Variants in GAB1 observed in about 807,000 individuals in gnomAD.
GAB1 encodes GRB2-associated-binding protein 1.
A neutral mutation model predicts 66.5 loss-of-function variants in GAB1; 19 were observed. The ratio of observed to expected loss-of-function variants is 0.29; its 90% CI spans 0.20 to 0.42. The LOEUF is 0.42. Among genes scored for constraint, GAB1 ranks in the 10% least tolerant of loss-of-function variants. The pLI is 1.00. For missense variants in GAB1, 732 were observed against 858.5 expected (o/e 0.85, Z 1.84); for synonymous variants, 294 against 301.4 (o/e 0.98, Z 0.25).
intron 2 of GAB1, among the ~76,000 whole-genome samples, chr4:143,421,922 CAAAT>C (rs1733051324): frequency 2.0e-5 from 3 of 152,080 alleles, no homozygotes; most frequent in African/African-American, 4.8e-5. Context: ...GGAGTCATGA[CAAAT>C]AAAAAGTTTT....
intron 1 of GAB1, among the ~76,000 whole-genome samples, chr4:143,385,075 C>G (rs1455372160): frequency 6.6e-6 from 1 of 152,116 alleles, no homozygotes; most frequent in Non-Finnish European, 1.5e-5. Context: ...ATCTGAGAGT[C>G]CTGTGTCCTG....
intron 1 of GAB1, among the ~76,000 whole-genome samples, chr4:143,402,585 G>C (rs28925880): frequency 6.6e-6 from 1 of 152,152 alleles, no homozygotes; most frequent in East Asian, 1.9e-4. Flanking sequence ...TCAGAATTTC[G>C]TGAAGGTCAG....
intron 2 of GAB1, chr4:143,424,971 A>AG: frequency 9.6e-6 from 6 of 623,276 alleles, no homozygotes; most frequent in South Asian, 8.9e-5. Context: ...AGAAAAAAAA[A>AG]GGCCTTTCTG....
intron 1 of GAB1, among the ~76,000 whole-genome samples, chr4:143,372,225 A>T (rs1176468675): frequency 6.6e-6 from 1 of 152,050 alleles, no homozygotes; most frequent in Non-Finnish European, 1.5e-5. Context: ...TCTTGCATTG[A>T]AATGTTCCTT....
intron 3 of GAB1, chr4:143,433,945 G>A: frequency 1.6e-6 from 1 of 625,756 alleles, no homozygotes; most frequent in South Asian, 2.0e-5. Flanking sequence ...TTGGCAAAGA[G>A]CAGTTTTCCC....
chr4:143,367,246 T>C (rs1729920059), intron 1 of GAB1, among the ~76,000 whole-genome samples: 1 of 146,678 alleles, frequency 6.8e-6, no homozygotes, highest in African/African-American at 2.5e-5. Flanking sequence ...AAAACCTATC[T>C]TCCCATCCTT....
intron 1 of GAB1, among the ~76,000 whole-genome samples, chr4:143,373,822 CCTCTCT>C (rs3049718): frequency 0.027 from 2,613 of 97,448 alleles, 80 homozygotes; most frequent in African/African-American, 0.067. Context: ...GGAGTGAAAC[CCTCTCT>C]CTCTCTCTCT....
intron 2 of GAB1, among the ~76,000 whole-genome samples, chr4:143,424,426 T>C (rs145022400): frequency 5.3e-4 from 80 of 152,330 alleles, no homozygotes; most frequent in African/African-American, 1.6e-3. Context: ...CATACTTCTC[T>C]TAAATCCTCA....
chr4:143,403,517 A>G (rs796806634), intron 1 of GAB1, among the ~76,000 whole-genome samples: 27 of 152,330 alleles, frequency 1.8e-4, no homozygotes, highest in Middle Eastern at 3.4e-3. Flanking sequence ...TAAATAGGCA[A>G]TCGTCTTTCT....
At chr4:143,462,854 G>T (rs879684799) in intron 8 of GAB1, among the ~76,000 whole-genome samples, 1 of 152,078 alleles carries the variant, frequency 6.6e-6, no homozygotes, top group Non-Finnish European at 1.5e-5. Flanking sequence ...TAGAGACAGG[G>T]TTTCATCATG....
In GAB1 at chr4:143,346,807, G is replaced by A. The variant is rs140520948; in HGVS notation, c.72+9547G>A. ...CCTAATAATGTAAAATATTTGGGAAGGTACTTTGTTCCTAGTGATGCTGTT... is the reference window on the plus strand; with the variant it reads ...CCTAATAATGTAAAATATTTGGGAAAGTACTTTGTTCCTAGTGATGCTGTT... On this transcript the variant is annotated intron_variant, in intron 1 of 9. Coordinates refer to ENST00000262994, the MANE Select transcript of GAB1 (RefSeq NM_002039.4). Among the ~76,000 whole-genome samples the A allele has an allele frequency of 1.9e-3, 285 of 152,318 alleles. 2 individuals are homozygous for A. Among genetic ancestry groups the A allele is most frequent in the African/African-American group, 6.5e-3 (270 of 41,578 alleles).
intron 2 of GAB1, among the ~76,000 whole-genome samples, chr4:143,416,172 G>A (rs747249435): frequency 3.9e-5 from 6 of 152,182 alleles, no homozygotes; most frequent in Non-Finnish European, 7.3e-5. Flanking sequence ...CTGGGAGGCC[G>A]AGGCGGGTGG....
intron 1 of GAB1, among the ~76,000 whole-genome samples, chr4:143,364,189 CAAAAA>C (rs779207437): frequency 3.7e-5 from 3 of 81,474 alleles, no homozygotes. Context: ...ACTTCGTCTC[CAAAAA>C]AAAAAAAAAA....
In GAB1 at chr4:143,466,122, G is replaced by T; in HGVS notation, c.1823G>T (p.Ser608Ile). ...TTTCAGAATCTCTTTGGCAGTAACA[G>T]TCTTGATGGAGGAAGCAGCCCTATG... ...SEDPNLFGSN[S>I]LDGGSSPMIK... Residue 608 changes from serine (S) to isoleucine (I), a missense_variant, in exon 9 of 10, where the codon AGT becomes ATT. Ser to Ile is a moderately radical substitution (Grantham distance 142). Around this residue, in one of 4 missense-constraint regions of GAB1, gnomAD observed 204 missense variants for 276.8 expected, o/e 0.74. Coordinates refer to ENST00000262994, the MANE Select transcript of GAB1 (RefSeq NM_002039.4). 1 of 1,613,804 alleles carries T rather than the reference G, an allele frequency of 6.2e-7. No homozygotes were observed. The highest frequency in any genetic ancestry group is 8.5e-7 in the Non-Finnish European group (1 of 1,179,792).
intron 1 of GAB1, among the ~76,000 whole-genome samples, chr4:143,379,032 CT>C (rs1730543868): frequency 1.3e-5 from 2 of 152,058 alleles, no homozygotes; most frequent in South Asian, 4.1e-4. Context: ...ACCCGAGGAG[CT>C]TTTCTGGTAG....
chr4:143,448,693 T>C (rs1426438066), intron 6 of GAB1, among the ~76,000 whole-genome samples: 1 of 151,930 alleles, frequency 6.6e-6, no homozygotes, highest in Non-Finnish European at 1.5e-5. Context: ...TTTTCTTTAT[T>C]AGTCTTTCTA....
At chr4:143,337,297 G>A (rs1205318509) in intron 1 of GAB1, 37 bp downstream of exon 1, 1 of 1,531,396 alleles carries the variant, frequency 6.5e-7, no homozygotes, top group East Asian at 2.4e-5. Context: ...GCGGGCCTCG[G>A]CGTCCACACC....
intron 2 of GAB1, chr4:143,425,793 G>A (rs1733319225): frequency 2.5e-6 from 2 of 788,596 alleles, no homozygotes; most frequent in Non-Finnish European, 4.5e-6. Context: ...CTGATCTGAA[G>A]GCATGCAGGT....
intron 6 of GAB1, among the ~76,000 whole-genome samples, chr4:143,445,927 A>G (rs950726091): frequency 6.6e-6 from 1 of 152,138 alleles, no homozygotes; most frequent in African/African-American, 2.4e-5. Context: ...ATATCTCCTA[A>G]TGCTATCCTT....
Sources: gnomAD v4.1 joint callset for allele counts (sites outside exome capture counted in the v4.1 genomes callset) on GRCh38, gnomAD v4.1.1 for gene constraint, gnomAD v4.1.1 regional missense constraint, MANE v1.5 for transcripts, NCBI Gene and HGNC (gene_info 2026-07-23, HGNC 2026-07-21) for gene names.